The following VPS13D variants were observed in gnomAD, a reference collection of about 807,000 sequenced individuals.
The protein encoded by VPS13D is intermembrane lipid transfer protein VPS13D.
Under a neutral mutation model 461.9 loss-of-function variants are expected in VPS13D, and 187 were observed. The ratio of observed to expected loss-of-function variants is 0.40; its 90% CI spans 0.36 to 0.46. The LOEUF is 0.46. VPS13D is among the 20% of genes least tolerant of loss of function. The probability of loss-of-function intolerance (pLI) is 0.60; values close to 1 mark genes in which losing one functional copy is unlikely to be tolerated. For missense variants in VPS13D, 4,711 were observed against 5,364.9 expected, an observed-to-expected ratio of 0.88 and a Z score of 3.81; for synonymous variants, 1,951 against 1,986.3, an observed-to-expected ratio of 0.98 and a Z score of 0.47.
chr1:12,398,468 C>T (rs1173681518), intron 60 of VPS13D, among the ~76,000 whole-genome samples: 1 of 151,890 alleles, frequency 6.6e-6, no homozygotes, highest in African/African-American at 2.4e-5. Context: ...AATACCTAGC[C>T]TTTAGGGGTT....
In VPS13D at chr1:12,318,144, A is replaced by G. The variant is rs755732538; in HGVS notation, c.7221A>G (p.Leu2407=). The G allele has an allele frequency of 3.1e-6, 5 of 1,613,936 alleles. No homozygotes were observed. The highest frequency in any genetic ancestry group is 1.6e-4 in the Middle Eastern group (1 of 6,084). Residue 2407 remains leucine (L), a synonymous_variant, in exon 31 of 70, where the codon CTA becomes CTG. Coordinates refer to ENST00000620676, the MANE Select transcript of VPS13D (RefSeq NM_015378.4). ...GTGTGTTTCTCATATTTGACTGGCTACTGTTAGTCCATGATTTTCTCCACA... is the reference window on the plus strand; with the variant it reads ...GTGTGTTTCTCATATTTGACTGGCTGCTGTTAGTCCATGATTTTCTCCACA... ...NLRVFLIFDW[L]LLVHDFLHTP...
chr1:12,329,162 C>G (rs1436890302), intron 36 of VPS13D, among the ~76,000 whole-genome samples: 1 of 152,174 alleles, frequency 6.6e-6, no homozygotes, highest in African/African-American at 2.4e-5. Context: ...CATGACTTCT[C>G]TAATCAGTCT....
intron 4 of VPS13D, 37 bp downstream of exon 4, chr1:12,244,473 T>C: frequency 6.2e-7 from 1 of 1,614,012 alleles, no homozygotes; most frequent in Non-Finnish European, 8.5e-7. Flanking sequence ...AGAGCAGTTG[T>C]GGTGACACGT....
In VPS13D at chr1:12,505,248, G is replaced by A. The variant is rs952025992; in HGVS notation, c.12795-1605G>A. Among the ~76,000 whole-genome samples the A allele has an allele frequency of 1.4e-4, 22 of 152,092 alleles. No individual in the cohort carries two copies. Among genetic ancestry groups the A allele is most frequent in the Admixed American group, 1.4e-3 (22 of 15,276 alleles). On this transcript the variant is annotated intron_variant, in intron 68 of 69. Coordinates refer to ENST00000620676, the MANE Select transcript of VPS13D (RefSeq NM_015378.4). The surrounding 1 kb of genome is among the most constrained non-coding windows in gnomAD (Gnocchi z 4.2). ...TTTATCCCTCTCTGTCTGTCTTTCT[G>A]TCTTTCCCTGTGCCCTCCTTTCTTC...
intron 67 of VPS13D, among the ~76,000 whole-genome samples, chr1:12,466,167 T>C (rs1645480834): frequency 6.6e-6 from 1 of 152,004 alleles, no homozygotes; most frequent in Admixed American, 6.6e-5. Context: ...AAAGAGAACT[T>C]AGGAAATGCT....
In VPS13D at chr1:12,299,552, A is replaced by C. The variant is rs1642363950; in HGVS notation, c.6216+168A>C. Among the ~76,000 whole-genome samples, 1 of 152,186 alleles carries C rather than the reference A, an allele frequency of 6.6e-6. No homozygotes were observed. Among genetic ancestry groups the C allele is most frequent in the Non-Finnish European group, 1.5e-5 (1 of 68,028 alleles). ...ATTGATATTTCAGTTAACCTTATGA[A>C]TTGAGGTAGTGTAAATTATAACTCT... On this transcript the variant is annotated intron_variant, in intron 25 of 69. Coordinates refer to ENST00000620676, the MANE Select transcript of VPS13D (RefSeq NM_015378.4). This position sits in a 1 kb window ranked among gnomAD's most constrained non-coding sequence, Gnocchi z 4.2.
At chr1:12,461,783 A>C (rs1048236528) in intron 67 of VPS13D, among the ~76,000 whole-genome samples, 2 of 152,204 alleles carry the variant, frequency 1.3e-5, no homozygotes, top group African/African-American at 2.4e-5. Flanking sequence ...ATATGTGATA[A>C]ATTTTTTAAA....
At chr1:12,320,196 T>G (rs575698394) in intron 32 of VPS13D, among the ~76,000 whole-genome samples, 2 of 152,232 alleles carry the variant, frequency 1.3e-5, no homozygotes, top group African/African-American at 4.8e-5. Flanking sequence ...TGTCATCTCA[T>G]GAAGAAGATA....
chr1:12,265,828 A>G (rs1641250312), intron 13 of VPS13D, among the ~76,000 whole-genome samples: 2 of 152,226 alleles, frequency 1.3e-5, no homozygotes, highest in African/African-American at 4.8e-5. Flanking sequence ...TTGAGATGGA[A>G]TCTACTCCTG....
Position 12,327,740 on chromosome 1 carries a change from G to T in VPS13D, c.8083G>T (p.Ala2695Ser), listed in dbSNP as rs199578459. 3.3e-4 allele frequency: 528 copies of T among 1,614,052 alleles called. No individual in the cohort carries two copies. The highest frequency in any genetic ancestry group is 4.1e-4 in the Non-Finnish European group (486 of 1,180,030). Residue 2695 changes from alanine to serine, a missense_variant, in exon 36 of 70, where the codon GCT becomes TCT. This residue lies in a region of VPS13D where 4,411 missense variants were observed against 4,937.8 expected (regional missense o/e 0.89). Coordinates refer to ENST00000620676, the MANE Select transcript of VPS13D (RefSeq NM_015378.4). ...CTCCACCAGCCGAGATAGCCCAGGG[G>T]CTGTGGCAGCGCCATTGATCTCTGG... ...LASTSRDSPG[A>S]VAAPLISGVE...
At chr1:12,303,351 T>C (rs1642476613) in intron 25 of VPS13D, among the ~76,000 whole-genome samples, 3 of 152,228 alleles carry the variant, frequency 2.0e-5, no homozygotes, top group Admixed American at 1.3e-4. Flanking sequence ...CCACAATTTC[T>C]AAGTCAAAAT....
chr1:12,366,286 T>G (rs964306330), intron 52 of VPS13D, among the ~76,000 whole-genome samples: 4 of 152,326 alleles, frequency 2.6e-5, no homozygotes, highest in East Asian at 3.9e-4. Flanking sequence ...TACTTTGCCC[T>G]TGTCTTTTTT....
At chr1:12,372,992 A>G (rs778962208) in intron 54 of VPS13D, among the ~76,000 whole-genome samples, 10 of 151,612 alleles carry the variant, frequency 6.6e-5, no homozygotes, top group African/African-American at 4.8e-5. Flanking sequence ...TTTTCATCCT[A>G]AAGGGACTTC....
chr1:12,370,310 A>G (rs1179507339), intron 54 of VPS13D, among the ~76,000 whole-genome samples: 1 of 152,260 alleles, frequency 6.6e-6, no homozygotes, highest in Non-Finnish European at 1.5e-5. Flanking sequence ...CTACCAACAT[A>G]TAAATATAGC....
chr1:12,397,646 C>T (rs1394363150), intron 60 of VPS13D, among the ~76,000 whole-genome samples: 1 of 152,138 alleles, frequency 6.6e-6, no homozygotes, highest in Non-Finnish European at 1.5e-5. Flanking sequence ...AGCCAACAGC[C>T]TAGAGAGAAA....
intron 67 of VPS13D, among the ~76,000 whole-genome samples, chr1:12,482,397 C>T (rs1234369710): frequency 6.6e-6 from 1 of 152,216 alleles, no homozygotes; most frequent in African/African-American, 2.4e-5. Flanking sequence ...ACTCTTCATG[C>T]TTTGATTTTA....
intron 32 of VPS13D, among the ~76,000 whole-genome samples, chr1:12,321,366 G>A (rs531848531): frequency 6.6e-6 from 1 of 152,178 alleles, no homozygotes; most frequent in African/African-American, 2.4e-5. Flanking sequence ...TTTGGGTTGT[G>A]TTTTCACTTT....
At chr1:12,375,006 G>C (rs903332140) in intron 55 of VPS13D, among the ~76,000 whole-genome samples, 5 of 152,210 alleles carry the variant, frequency 3.3e-5, no homozygotes, top group African/African-American at 1.2e-4. Flanking sequence ...CGAAAGTGCT[G>C]GGATTACAGG....
rs1312416287 is a variant in VPS13D, at chr1:12,329,827, AG to A, written c.8198del. ...CTGCAGTAAGGTTTGCTTTCATTGC[AG>A]GTCTGAATTTTCTTCAGCGTGTAAG... On this transcript the variant is annotated splice_acceptor_variant, in intron 36 of 69. Transcript: ENST00000620676. LOFTEE classifies it high-confidence loss of function. 6.2e-7 allele frequency: 1 copy of A among 1,613,900 alleles called. No homozygotes were observed. The highest frequency in any genetic ancestry group is 8.5e-7 in the Non-Finnish European group (1 of 1,179,872).
Sources: gnomAD v4.1 joint callset for allele counts (sites outside exome capture counted in the v4.1 genomes callset) on GRCh38, gnomAD v4.1.1 for gene constraint, gnomAD v4.1.1 regional missense constraint, Gnocchi (gnomAD v3.1) non-coding constraint, MANE v1.5 for transcripts, NCBI Gene and HGNC (gene_info 2026-07-23, HGNC 2026-07-21) for gene names.